Variants in FAF1 observed in about 807,000 individuals in gnomAD.
FAF1 encodes FAS-associated factor 1.
FAF1 carries 25 observed loss-of-function variants against 92.5 expected under a neutral mutation model. The observed-to-expected ratio is 0.27, with a 90% confidence interval of 0.20 to 0.38. The LOEUF (loss-of-function observed/expected upper bound fraction) is 0.38. FAF1 is among the 10% of genes least tolerant of loss of function. The pLI, the probability that FAF1 is intolerant of heterozygous loss-of-function variation, is 1.00. For synonymous variants in FAF1, 234 were observed against 273.2 expected, an observed-to-expected ratio of 0.86 and a Z score of 1.42; for missense variants, 636 against 793.3, an observed-to-expected ratio of 0.80 and a Z score of 2.38.
In FAF1 at chr1:50,960,073, T is replaced by C. The variant is rs1003222439; in HGVS notation, c.-262A>G. ...CGTCGCAGCAGCCCGGACAGGAAGA[T>C]TGGTCTGGATGTGGGTCCGGTCTTA... On this transcript the variant is annotated 5_prime_UTR_variant, in exon 1 of 19. Transcript: ENST00000396153. The C allele has an allele frequency of 1.0e-4, 40 of 388,630 alleles. No homozygotes were observed. In the Middle Eastern group the frequency reaches 1.9e-3, roughly 19 times the overall value. The allele number at this position is 388,630 out of a possible 1,614,324, so 24.1% of individuals were successfully genotyped here. A position where few individuals can be genotyped will look rare whatever the true frequency, so the allele number is the denominator to read the frequency against.
chr1:50,635,696 C>A (rs967180100), intron 8 of FAF1, among the ~76,000 whole-genome samples: 2 of 152,198 alleles, frequency 1.3e-5, no homozygotes, highest in Admixed American at 6.5e-5. Flanking sequence ...AGCAAACCAC[C>A]CACCCTGACT....
intron 15 of FAF1, among the ~76,000 whole-genome samples, chr1:50,523,639 T>A (rs1235893431): frequency 6.6e-6 from 1 of 152,172 alleles, no homozygotes; most frequent in African/African-American, 2.4e-5. Context: ...GTTGTAGGAG[T>A]TAATATATTT....
At chr1:50,582,204 G>T (rs1409090077) in intron 12 of FAF1, among the ~76,000 whole-genome samples, 3 of 151,992 alleles carry the variant, frequency 2.0e-5, no homozygotes, top group South Asian at 2.1e-4. Context: ...TATGTAGCTT[G>T]GTCCCTTCTA....
chr1:50,807,072 G>T (rs564614597), intron 2 of FAF1, among the ~76,000 whole-genome samples: 2 of 152,260 alleles, frequency 1.3e-5, no homozygotes, highest in South Asian at 4.1e-4. Flanking sequence ...AAACAGAATT[G>T]AAAGTATAAA....
At chr1:50,522,922 C>T (rs1647580650) in intron 15 of FAF1, among the ~76,000 whole-genome samples, 1 of 152,126 alleles carries the variant, frequency 6.6e-6, no homozygotes, top group Non-Finnish European at 1.5e-5. Flanking sequence ...CCAATTTACC[C>T]TACATCTTTA....
At chr1:50,892,457 G>C (rs144363552) in intron 1 of FAF1, among the ~76,000 whole-genome samples, 196 of 152,302 alleles carry the variant, frequency 1.3e-3, no homozygotes, top group Non-Finnish European at 2.2e-3. Context: ...CTACAGACTA[G>C]AGCTGTTCCT....
chr1:50,630,432 T>G (rs1653718399), intron 8 of FAF1, among the ~76,000 whole-genome samples: 1 of 152,218 alleles, frequency 6.6e-6, no homozygotes, highest in African/African-American at 2.4e-5. Flanking sequence ...ACTTCTGGAT[T>G]CAGGAATAAG....
At chr1:50,519,261 G>A (rs898783903) in intron 15 of FAF1, among the ~76,000 whole-genome samples, 3 of 151,608 alleles carry the variant, frequency 2.0e-5, no homozygotes, top group African/African-American at 4.9e-5. Context: ...ACCAGGAGGC[G>A]GAGGTTGCAG....
chr1:50,442,804 G>T (rs551894518), intron 18 of FAF1, among the ~76,000 whole-genome samples: 2 of 152,344 alleles, frequency 1.3e-5, no homozygotes, highest in African/African-American at 4.8e-5. Flanking sequence ...ATCTTCAGCT[G>T]TATCTAGATG....
chr1:50,453,500 T>C (rs1176650508), intron 18 of FAF1, among the ~76,000 whole-genome samples: 1 of 152,256 alleles, frequency 6.6e-6, no homozygotes, highest in East Asian at 1.9e-4. Flanking sequence ...TTAAATTTTC[T>C]AGTTACCAGA....
intron 1 of FAF1, among the ~76,000 whole-genome samples, chr1:50,953,417 A>T (rs1385690188): frequency 6.6e-6 from 1 of 151,576 alleles, no homozygotes; most frequent in Non-Finnish European, 1.5e-5. Context: ...ATAAATAAAT[A>T]AATAAATTTT....
intron 2 of FAF1, among the ~76,000 whole-genome samples, chr1:50,816,052 A>T (rs952581926): frequency 1.3e-5 from 2 of 151,810 alleles, no homozygotes; most frequent in African/African-American, 2.4e-5. Context: ...AATTTTAAAA[A>T]AGCCATTCTT....
At chr1:50,498,131 A>T (rs1348944015) in intron 15 of FAF1, among the ~76,000 whole-genome samples, 1 of 152,220 alleles carries the variant, frequency 6.6e-6, no homozygotes, top group Non-Finnish European at 1.5e-5. Flanking sequence ...TTGATCTTCA[A>T]CAAGGGTGGC....
At position 50,913,489 on chromosome 1, in the gene FAF1, C is replaced by G. The variant is rs562632057; in HGVS notation, c.45+46278G>C. 2.2e-4 allele frequency among the ~76,000 whole-genome samples: 34 copies of G among 152,230 alleles called. 2 individuals are homozygous for G. In the South Asian group the frequency reaches 6.6e-3, roughly 30 times the overall value. On this transcript the variant is annotated intron_variant, in intron 1 of 18. Coordinates refer to ENST00000396153, the MANE Select transcript of FAF1 (RefSeq NM_007051.3). ...AAGGGCTGAATCTATCCATTAGAGA[C>G]CTTGCAGATTTCTTCAAGATGTTAA...
intron 1 of FAF1, among the ~76,000 whole-genome samples, chr1:50,892,926 T>C (rs1476051100): frequency 1.3e-5 from 2 of 152,186 alleles, no homozygotes; most frequent in Admixed American, 6.5e-5. Flanking sequence ...TTTAAGCAGG[T>C]TGTCTTCACA....
At chr1:50,712,218 TG>T (rs1387419393) in intron 6 of FAF1, among the ~76,000 whole-genome samples, 3 of 152,234 alleles carry the variant, frequency 2.0e-5, no homozygotes, top group Non-Finnish European at 4.4e-5. Context: ...TCTGTAATAC[TG>T]ATTTTCCTAA....
chr1:50,513,376 A>G lies in FAF1; in HGVS notation c.1495-21575T>C, dbSNP rs555802446. ...GTGCATGCCTGCAATCCCAGCGATC[A>G]ATACTTGAGAGGCTAAGGCAGGAGA... On this transcript the variant is annotated intron_variant, in intron 15 of 18. Transcript: ENST00000396153. Among the ~76,000 whole-genome samples, 724 of 152,228 alleles carry G rather than the reference A, an allele frequency of 4.8e-3. 4 individuals are homozygous for G. Among genetic ancestry groups the G allele is most frequent in the Non-Finnish European group, 6.7e-3 (453 of 67,986 alleles).
chr1:50,503,656 A>G (rs1439445523), intron 15 of FAF1, among the ~76,000 whole-genome samples: 2 of 152,236 alleles, frequency 1.3e-5, no homozygotes, highest in South Asian at 2.1e-4. Flanking sequence ...AAACAAAAAA[A>G]AAAGTAACAT....
At chr1:50,910,412 C>G (rs1644875140) in intron 1 of FAF1, among the ~76,000 whole-genome samples, 1 of 152,212 alleles carries the variant, frequency 6.6e-6, no homozygotes, top group Admixed American at 6.5e-5. Flanking sequence ...CTCTTCAAAG[C>G]TGTCAGACAG....
Sources: allele counts gnomAD v4.1 joint callset (sites outside exome capture counted in the v4.1 genomes callset), GRCh38; gene constraint gnomAD v4.1.1; transcripts MANE v1.5; gene names NCBI Gene and HGNC (gene_info 2026-07-23, HGNC 2026-07-21).